MIPOL1: variants seen among roughly 807,000 people sequenced by gnomAD.
The protein encoded by MIPOL1 is mirror-image polydactyly gene 1 protein.
In MIPOL1, 57 loss-of-function variants were observed where a neutral mutation model predicts 60.9. That is an observed-to-expected ratio of 0.94 (90% CI 0.76 to 1.17). The LOEUF is 1.17. MIPOL1 is among the 50% of genes most tolerant of loss of function. The probability of loss-of-function intolerance (pLI) is 0.00; values close to 1 mark genes in which losing one functional copy is unlikely to be tolerated. For synonymous variants in MIPOL1, 179 were observed against 168.8 expected (o/e 1.06, Z -0.47); for missense variants, 551 against 511.6 (o/e 1.08, Z -0.74).
rs138870055 is a variant in MIPOL1 at position 37,203,036 on chromosome 14, C to G, written c.-199+4932C>G. Among the ~76,000 whole-genome samples, 3 of 152,176 alleles carry G rather than the reference C, an allele frequency of 2.0e-5. No individual in the cohort carries two copies. The East Asian group carries it at 5.8e-4, about 29-fold the overall frequency. On this transcript the variant is annotated intron_variant, in intron 1 of 12. Coordinates refer to ENST00000684589, the MANE Select transcript of MIPOL1 (RefSeq NM_001388067.1). ...TCACTTCCACTTGCAACTTCACGTA[C>G]CATCTAGAGATGGCTTTAGGGTTGA...
rs1425929072 is a variant in MIPOL1, at chr14:37,548,289, C to T, written c.*1318C>T. The T allele has an allele frequency of 6.6e-6, 1 of 151,942 alleles. No homozygotes were observed. The highest frequency in any genetic ancestry group is 1.5e-5 in the Non-Finnish European group (1 of 67,882). 9.4% of individuals were successfully genotyped at this position (151,942 alleles called of 1,614,324 possible). On this transcript the variant is annotated 3_prime_UTR_variant, in exon 13 of 13. Coordinates refer to ENST00000684589, the MANE Select transcript of MIPOL1 (RefSeq NM_001388067.1). ...CTTTCATATACCATAGCAGATTATC[C>T]ATTTCAATTTTTTTTTACTCCACAG...
chr14:37,496,377 G>A (rs1204367532), intron 11 of MIPOL1, among the ~76,000 whole-genome samples: 175 of 143,372 alleles, frequency 1.2e-3, no homozygotes, highest in Admixed American at 0.01. Context: ...GTTTGCAGAC[G>A]ACATGATTGT....
At chr14:37,240,994 G>A (rs2153345560) in intron 1 of MIPOL1, among the ~76,000 whole-genome samples, 1 of 152,070 alleles carries the variant, frequency 6.6e-6, no homozygotes, top group African/African-American at 2.4e-5. Context: ...ATTGACCTAT[G>A]TGATTGTGGA....
In MIPOL1 at chr14:37,316,606, T is replaced by TTA. The variant is rs3061942; in HGVS notation, c.828+8087_828+8088insTA. ...GTATCTTGGGAGGTTTTTTTTTTTT[T>TTA]CCTTTCTTTTTTTAATGGGATGTTC... On this transcript the variant is annotated intron_variant, in intron 9 of 12. Coordinates refer to ENST00000684589, the MANE Select transcript of MIPOL1 (RefSeq NM_001388067.1). 3.5e-5 allele frequency among the ~76,000 whole-genome samples: 5 copies of TTA among 144,824 alleles called. No individual in the cohort carries two copies. The Admixed American group carries it at 3.5e-4, about 10-fold the overall frequency.
At chr14:37,228,179 A>G (rs1049899192) in intron 1 of MIPOL1, among the ~76,000 whole-genome samples, 1 of 152,150 alleles carries the variant, frequency 6.6e-6, no homozygotes, top group South Asian at 2.1e-4. Context: ...AACCATACAC[A>G]TTACACATTT....
chr14:37,368,912 A>C (rs115960982), intron 9 of MIPOL1, among the ~76,000 whole-genome samples: 167 of 152,168 alleles, frequency 1.1e-3, no homozygotes, highest in African/African-American at 3.6e-3. Flanking sequence ...TGGTCATTTC[A>C]CATATCTGTT....
chr14:37,541,966 C>T (rs2095531448), intron 12 of MIPOL1, among the ~76,000 whole-genome samples: 1 of 152,192 alleles, frequency 6.6e-6, no homozygotes, highest in African/African-American at 2.4e-5. Flanking sequence ...TCTTACAAGA[C>T]TTCTTCAGCC....
chr14:37,319,987 CT>C (rs1220461935), intron 9 of MIPOL1, among the ~76,000 whole-genome samples: 1 of 151,974 alleles, frequency 6.6e-6, no homozygotes, highest in Non-Finnish European at 1.5e-5. Context: ...AATAATGTGT[CT>C]TTTTCATTGT....
chr14:37,210,791 G>A (rs1966778855), intron 1 of MIPOL1, among the ~76,000 whole-genome samples: 1 of 152,102 alleles, frequency 6.6e-6, no homozygotes, highest in Non-Finnish European at 1.5e-5. Flanking sequence ...CAAGCGAGAG[G>A]GCAATGTCTG....
chr14:37,393,261 G>A (rs377243075), intron 10 of MIPOL1, among the ~76,000 whole-genome samples: 6 of 151,994 alleles, frequency 3.9e-5, no homozygotes, highest in African/African-American at 1.5e-4. Flanking sequence ...CATTTCTGTG[G>A]GTTTTAAGCC....
intron 11 of MIPOL1, among the ~76,000 whole-genome samples, chr14:37,446,893 G>A (rs1758664627): frequency 6.6e-6 from 1 of 151,420 alleles, no homozygotes; most frequent in South Asian, 2.1e-4. Context: ...ATGGACACAG[G>A]AAGGGGAGCA....
At chr14:37,199,795 G>C (rs530336800) in intron 1 of MIPOL1, among the ~76,000 whole-genome samples, 1 of 152,282 alleles carries the variant, frequency 6.6e-6, no homozygotes, top group South Asian at 2.1e-4. Context: ...AGAGTGCTGG[G>C]ATTACAGGTG....
At chr14:37,396,751 C>G (rs1372138421) in intron 10 of MIPOL1, among the ~76,000 whole-genome samples, 1 of 152,012 alleles carries the variant, frequency 6.6e-6, no homozygotes, top group African/African-American at 2.4e-5. Flanking sequence ...CTTTCTTCTA[C>G]TTGTTCTATT....
At chr14:37,349,584 A>T (rs904919002) in intron 9 of MIPOL1, among the ~76,000 whole-genome samples, 1 of 152,136 alleles carries the variant, frequency 6.6e-6, no homozygotes, top group Non-Finnish European at 1.5e-5. Context: ...CCTTCCAAAG[A>T]TATGCAAGAT....
chr14:37,510,767 C>T (rs2095321903), intron 12 of MIPOL1, among the ~76,000 whole-genome samples: 1 of 152,106 alleles, frequency 6.6e-6, no homozygotes, highest in Admixed American at 6.6e-5. Flanking sequence ...TAGAGATACA[C>T]AGGAAAATTT....
At chr14:37,222,386 CT>C (rs199520941) in intron 1 of MIPOL1, among the ~76,000 whole-genome samples, 5,030 of 132,834 alleles carry the variant, frequency 0.038, 83 homozygotes, top group African/African-American at 0.056. Flanking sequence ...ACACACCTGG[CT>C]TTTTTTTTTT....
chr14:37,438,577 G>A (rs1321439066), intron 11 of MIPOL1, among the ~76,000 whole-genome samples: 1 of 152,112 alleles, frequency 6.6e-6, no homozygotes, highest in Admixed American at 6.6e-5. Context: ...TACAGCTGAA[G>A]CAAAACTGGT....
At chr14:37,364,424 T>C (rs2092399549) in intron 9 of MIPOL1, among the ~76,000 whole-genome samples, 1 of 152,218 alleles carries the variant, frequency 6.6e-6, no homozygotes, top group Admixed American at 6.5e-5. Flanking sequence ...GTTAGTTGTC[T>C]AGTTTTATTC....
chr14:37,270,168 T>C (rs1462932054), intron 5 of MIPOL1, among the ~76,000 whole-genome samples: 2 of 152,126 alleles, frequency 1.3e-5, no homozygotes, highest in Non-Finnish European at 2.9e-5. Context: ...GTCCTCTGAA[T>C]TTAATTTGCC....
Sources: allele counts gnomAD v4.1 joint callset (sites outside exome capture counted in the v4.1 genomes callset), GRCh38; gene constraint gnomAD v4.1.1; transcripts MANE v1.5; gene names NCBI Gene and HGNC (gene_info 2026-07-23, HGNC 2026-07-21).